The following SPMIP7 variants were observed in gnomAD, a reference collection of about 807,000 sequenced individuals.
The protein encoded by SPMIP7 is sperm microtubule inner protein 7.
At chr7:50,126,336 T>G in the SPMIP7 span, among the ~76,000 whole-genome samples, 80 of 151,832 alleles carry the variant, frequency 5.3e-4, no homozygotes, top group African/African-American at 1.9e-3. Flanking sequence ...GTTAACAAAA[T>G]TAATACTAAG....
At chr7:50,116,842 C>G in the SPMIP7 span, among the ~76,000 whole-genome samples, 33 of 152,100 alleles carry the variant, frequency 2.2e-4, no homozygotes, top group Admixed American at 1.2e-3. Context: ...AACTTGCTGG[C>G]CTCATAAGGG....
the SPMIP7 span, among the ~76,000 whole-genome samples, chr7:50,100,812 A>AAAATAAATAAATAAATAAATAAAT: frequency 0.027 from 3,799 of 139,252 alleles, 79 homozygotes; most frequent in Admixed American, 0.069. Flanking sequence ...ATGCCGTCCA[A>AAAATAAATAAATAAATAAATAAAT]AAATAAATAA....
the SPMIP7 span, among the ~76,000 whole-genome samples, chr7:50,097,314 G>A: frequency 7.9e-5 from 12 of 152,216 alleles, no homozygotes; most frequent in East Asian, 3.9e-4. Context: ...TTTTAGCATC[G>A]GAAAAGGAAA....
At chr7:50,148,685 G>T in the SPMIP7 span, among the ~76,000 whole-genome samples, 1 of 152,106 alleles carries the variant, frequency 6.6e-6, no homozygotes, top group Non-Finnish European at 1.5e-5. Context: ...ATCCTGCAGG[G>T]CACTGCCTAG....
the SPMIP7 span, among the ~76,000 whole-genome samples, chr7:50,111,062 C>G: frequency 7.0e-6 from 1 of 142,710 alleles, no homozygotes; most frequent in East Asian, 2.0e-4. Flanking sequence ...GTTATATTAT[C>G]ATATATATGA....
At chr7:50,144,062 GAA>G in the SPMIP7 span, among the ~76,000 whole-genome samples, 1 of 152,176 alleles carries the variant, frequency 6.6e-6, no homozygotes, top group Non-Finnish European at 1.5e-5. Flanking sequence ...TCTGGGGTCA[GAA>G]TATGTAAACA....
At chr7:50,125,923 T>C in the SPMIP7 span, among the ~76,000 whole-genome samples, 1 of 152,074 alleles carries the variant, frequency 6.6e-6, no homozygotes, top group Non-Finnish European at 1.5e-5. Context: ...TTAATAATAC[T>C]GTATTTTTTA....
chr7:50,153,532 G>A, the SPMIP7 span, among the ~76,000 whole-genome samples: 1 of 152,218 alleles, frequency 6.6e-6, no homozygotes, highest in Non-Finnish European at 1.5e-5. Flanking sequence ...AATTGCAGCA[G>A]AGGATGACAA....
At chr7:50,148,453 C>A in the SPMIP7 span, among the ~76,000 whole-genome samples, 1 of 152,224 alleles carries the variant, frequency 6.6e-6, no homozygotes, top group African/African-American at 2.4e-5. Flanking sequence ...GACTTCTTAA[C>A]TGCTCTGATG....
the SPMIP7 span, chr7:50,136,147 C>T: frequency 5.2e-5 from 80 of 1,550,562 alleles, no homozygotes; most frequent in Admixed American, 4.9e-4. Context: ...TTCTTGGCAC[C>T]AGTCAAACCA....
At chr7:50,157,763 G>A in the SPMIP7 span, among the ~76,000 whole-genome samples, 1 of 152,122 alleles carries the variant, frequency 6.6e-6, no homozygotes. Flanking sequence ...GGGCTTGTGG[G>A]GTTGCTCATA....
chr7:50,134,020 G>A, the SPMIP7 span: 29 of 1,205,342 alleles, frequency 2.4e-5, no homozygotes, highest in East Asian at 3.4e-4. Context: ...GGTCATCTTC[G>A]GATTCTCTTA....
chr7:50,123,995 C>G, the SPMIP7 span, among the ~76,000 whole-genome samples: 2 of 151,982 alleles, frequency 1.3e-5, no homozygotes, highest in South Asian at 4.1e-4. Context: ...TTACAAGAGG[C>G]ATACTTCAGT....
the SPMIP7 span, chr7:50,140,284 T>G: frequency 4.7e-5 from 29 of 615,340 alleles, no homozygotes; most frequent in Non-Finnish European, 6.1e-5. Context: ...AGACAACTTA[T>G]ATATTGTAAC....
At chr7:50,102,497 A>G in the SPMIP7 span, among the ~76,000 whole-genome samples, 1 of 152,266 alleles carries the variant, frequency 6.6e-6, no homozygotes, top group South Asian at 2.1e-4. Context: ...CCTAGAGGCT[A>G]CCCATATCCT....
the SPMIP7 span, among the ~76,000 whole-genome samples, chr7:50,131,489 T>A: frequency 6.6e-6 from 1 of 152,294 alleles, no homozygotes; most frequent in Non-Finnish European, 1.5e-5. Flanking sequence ...AACCGGGGTG[T>A]CATGGCTTGT....
At chr7:50,159,255 T>C in the SPMIP7 span, 1 of 1,422,756 alleles carries the variant, frequency 7.0e-7, no homozygotes, top group African/African-American at 1.4e-5. Context: ...TTCTCCGCGC[T>C]GCGCAGTGTG....
the SPMIP7 span, among the ~76,000 whole-genome samples, chr7:50,113,265 A>G: frequency 6.6e-6 from 1 of 152,148 alleles, no homozygotes; most frequent in Non-Finnish European, 1.5e-5. Context: ...GCAACCAACC[A>G]ACAACTTAAA....
At chr7:50,133,931 A>G in the SPMIP7 span, among the ~76,000 whole-genome samples, 1 of 152,148 alleles carries the variant, frequency 6.6e-6, no homozygotes, top group Non-Finnish European at 1.5e-5. Flanking sequence ...GTACTACCTC[A>G]TCATAATCAC....
Sources: gnomAD v4.1 joint callset for allele counts (sites outside exome capture counted in the v4.1 genomes callset) on GRCh38, gnomAD v4.1.1 for gene constraint, MANE v1.5 for transcripts, NCBI Gene and HGNC (gene_info 2026-07-23, HGNC 2026-07-21) for gene names.